The following GRHL2 variants were observed in gnomAD, a reference collection of about 807,000 sequenced individuals.
The protein encoded by GRHL2 is grainyhead-like protein 2 homolog.
GRHL2 carries 21 observed loss-of-function variants against 83.8 expected under a neutral mutation model. The ratio of observed to expected loss-of-function variants is 0.25; its 90% CI spans 0.18 to 0.36. The LOEUF is 0.36. Ranked by LOEUF, GRHL2 falls within the 10% of genes least tolerant of loss-of-function variation. GRHL2 has a pLI of 1.00. For missense variants in GRHL2, 623 were observed against 781.8 expected (o/e 0.80, Z 2.42); for synonymous variants, 280 against 278.9 (o/e 1.00, Z -0.04).
chr8:101,595,526 A>T (rs1434508385), intron 7 of GRHL2, among the ~76,000 whole-genome samples: 1 of 152,248 alleles, frequency 6.6e-6, no homozygotes, highest in Non-Finnish European at 1.5e-5. Flanking sequence ...TAGAATAATT[A>T]GCTATAAAGA....
intron 1 of GRHL2, among the ~76,000 whole-genome samples, chr8:101,497,820 T>C (rs145838632): frequency 6.6e-6 from 1 of 152,358 alleles, no homozygotes; most frequent in Non-Finnish European, 1.5e-5. Flanking sequence ...AAGAAATCTG[T>C]GGACTTTTAC....
At chr8:101,531,823 GGAGA>G (rs141915427) in intron 1 of GRHL2, among the ~76,000 whole-genome samples, 5 of 151,416 alleles carry the variant, frequency 3.3e-5, no homozygotes, top group Admixed American at 2.0e-4. Flanking sequence ...AGGGGGTGGG[GGAGA>G]GAGAGAGAGA....
At chr8:101,578,968 A>G (rs1211392636) in intron 7 of GRHL2, among the ~76,000 whole-genome samples, 1 of 152,218 alleles carries the variant, frequency 6.6e-6, no homozygotes, top group African/African-American at 2.4e-5. Flanking sequence ...CTAGTCAAAC[A>G]TATTTATCGA....
chr8:101,576,845 C>T (rs1376263802), intron 6 of GRHL2, among the ~76,000 whole-genome samples: 2 of 152,138 alleles, frequency 1.3e-5, no homozygotes, highest in Non-Finnish European at 2.9e-5. Flanking sequence ...CATAGTTGCT[C>T]TTGCGTTTTT....
intron 7 of GRHL2, among the ~76,000 whole-genome samples, chr8:101,595,159 C>A (rs1586129253): frequency 6.6e-6 from 1 of 152,174 alleles, no homozygotes; most frequent in African/African-American, 2.4e-5. Flanking sequence ...ACATAGAGGG[C>A]TCACAGTAAA....
chr8:101,548,892 T>A (rs1388885921), intron 2 of GRHL2, among the ~76,000 whole-genome samples: 1 of 152,006 alleles, frequency 6.6e-6, no homozygotes, highest in Non-Finnish European at 1.5e-5. Context: ...TCTTTGGGAG[T>A]CGCTAACATG....
At chr8:101,578,122 C>A (rs917265403) in intron 7 of GRHL2, among the ~76,000 whole-genome samples, 1 of 152,160 alleles carries the variant, frequency 6.6e-6, no homozygotes, top group Non-Finnish European at 1.5e-5. Flanking sequence ...GGGGTCCAGT[C>A]TGGAAGGCAA....
intron 1 of GRHL2, among the ~76,000 whole-genome samples, chr8:101,506,275 T>A (rs1247692554): frequency 6.6e-6 from 1 of 152,212 alleles, no homozygotes; most frequent in Non-Finnish European, 1.5e-5. Flanking sequence ...CTTTTTCTGG[T>A]TATGAAAATA....
chr8:101,497,777 A>T (rs1810138509), intron 1 of GRHL2, among the ~76,000 whole-genome samples: 1 of 152,236 alleles, frequency 6.6e-6, no homozygotes, highest in Non-Finnish European at 1.5e-5. Context: ...ATTTATATGC[A>T]ACTTTTCAGG....
At chr8:101,499,764 A>G (rs367995971) in intron 1 of GRHL2, among the ~76,000 whole-genome samples, 1 of 152,180 alleles carries the variant, frequency 6.6e-6, no homozygotes, top group Non-Finnish European at 1.5e-5. Flanking sequence ...GAGGTTTTCA[A>G]TGACTCTTGT....
chr8:101,680,321 G>T, the GRHL2 span, among the ~76,000 whole-genome samples: 1 of 140,696 alleles, frequency 7.1e-6, no homozygotes, highest in Admixed American at 7.2e-5. Context: ...CATCAAAAGA[G>T]ACAAAGAAGG....
chr8:101,571,825 CTTGAAA>C (rs955204695), intron 5 of GRHL2, among the ~76,000 whole-genome samples: 4 of 152,154 alleles, frequency 2.6e-5, no homozygotes, highest in African/African-American at 9.7e-5. Context: ...GAAGAATGGA[CTTGAAA>C]TTGCCTTCTA....
At chr8:101,493,440 CCTCCCTCCCCCG>C (rs1168688383) in intron 1 of GRHL2, among the ~76,000 whole-genome samples, 1 of 12,364 alleles carries the variant, frequency 8.1e-5, no homozygotes, top group East Asian at 1.6e-3. Flanking sequence ...CCCTCCCCCG[CCTCCCTCCCCCG>C]GGTCCGCCCC....
chr8:101,657,199 A>G (rs1457101854), intron 14 of GRHL2, among the ~76,000 whole-genome samples: 1 of 152,188 alleles, frequency 6.6e-6, no homozygotes, highest in Non-Finnish European at 1.5e-5. Flanking sequence ...AAGCGCCCCC[A>G]GTGAATGAAC....
chr8:101,669,325 A>AACTT lies in GRHL2; in HGVS notation c.*2627_*2630dup, dbSNP rs376880711. The stretch of plus-strand genomic sequence containing the variant: ...TCCTCATACATCTCCAAATTGTTTA[A>AACTT]ACTTACTTTATGAGTGTTTGTTTAG... On this transcript the variant is annotated 3_prime_UTR_variant, in exon 16 of 16. Transcript: ENST00000646743. 1.1e-4 allele frequency: 16 copies of AACTT among 144,298 alleles called. No homozygotes were observed. Among genetic ancestry groups the AACTT allele is most frequent in the South Asian group, 2.1e-4 (1 of 4,674 alleles). 8.9% of individuals were successfully genotyped at this position (144,298 alleles called of 1,614,324 possible). A position where few individuals can be genotyped will look rare whatever the true frequency, so the allele number is the denominator to read the frequency against.
At chr8:101,619,825 GA>G in intron 9 of GRHL2, 128 bp downstream of exon 9, 1 of 694,566 alleles carries the variant, frequency 1.4e-6, no homozygotes, top group Non-Finnish European at 2.5e-6. Flanking sequence ...ATCACAGTGG[GA>G]GTGGTAATCT....
At chr8:101,557,504 G>A (rs531207408) in intron 3 of GRHL2, among the ~76,000 whole-genome samples, 3 of 152,034 alleles carry the variant, frequency 2.0e-5, no homozygotes, top group East Asian at 1.9e-4. Context: ...GATTACAGGC[G>A]TGAGTCACCG....
At position 101,573,789 on chromosome 8, in the gene GRHL2, A is replaced by G. The variant is rs746616786; in HGVS notation, c.856A>G (p.Asn286Asp). 24 of 1,614,122 alleles carry G rather than the reference A, an allele frequency of 1.5e-5. No homozygotes were observed. The African/African-American group carries it at 2.5e-4, about 17-fold the overall frequency. The stretch of plus-strand genomic sequence containing the variant: ...CATAACACTCAGCGAGACCGGAGAC[A>G]ACAAATGCTTCCGACACCCCATCAG... ...YAITLSETGD[N>D]KCFRHPISKV... is the part of the protein sequence containing the mutation. Residue 286 changes from asparagine (N) to aspartate (D), a missense_variant, in exon 6 of 16, where the codon AAC (asparagine) becomes GAC (aspartate). Transcript: ENST00000646743.
chr8:101,526,643 A>G (rs891481017), intron 1 of GRHL2, among the ~76,000 whole-genome samples: 1 of 150,036 alleles, frequency 6.7e-6, no homozygotes, highest in Non-Finnish European at 1.5e-5. Context: ...AGAAGACATC[A>G]GCCAAACACT....
Sources: allele counts gnomAD v4.1 joint callset (sites outside exome capture counted in the v4.1 genomes callset), GRCh38; gene constraint gnomAD v4.1.1; transcripts MANE v1.5; gene names NCBI Gene and HGNC (gene_info 2026-07-23, HGNC 2026-07-21).